Variants in CCDC125 observed in about 807,000 individuals in gnomAD.
CCDC125 encodes the protein coiled-coil domain-containing protein 125.
Under a neutral mutation model 57.4 loss-of-function variants are expected in CCDC125, and 43 were observed. The observed-to-expected ratio is 0.75, with a 90% confidence interval of 0.59 to 0.97. The LOEUF (loss-of-function observed/expected upper bound fraction) is 0.97. Among genes scored for constraint, CCDC125 ranks in the 50% least tolerant of loss-of-function variants. The pLI is 0.00. For missense variants in CCDC125, 563 were observed against 595.7 expected (o/e 0.95, Z 0.57); for synonymous variants, 187 against 195.2 (o/e 0.96, Z 0.35).
intron 1 of CCDC125, among the ~76,000 whole-genome samples, chr5:69,328,842 G>A (rs1761050944): frequency 6.6e-6 from 1 of 150,734 alleles, no homozygotes; most frequent in Non-Finnish European, 1.5e-5. Flanking sequence ...CACCCAGGCT[G>A]GAGTGCAGTG....
chr5:69,274,567 A>G, the CCDC125 span, among the ~76,000 whole-genome samples: 2 of 152,230 alleles, frequency 1.3e-5, no homozygotes, highest in Non-Finnish European at 2.9e-5. Context: ...GAATGCTTGC[A>G]AAGTTTATAT....
At chr5:69,306,750 T>C (rs1757388481) in intron 6 of CCDC125, 67 bp downstream of exon 6, 1 of 1,329,536 alleles carries the variant, frequency 7.5e-7, no homozygotes, top group Non-Finnish European at 9.7e-7. Flanking sequence ...GAAGAAAGCA[T>C]AAATTACTTT....
intron 1 of CCDC125, among the ~76,000 whole-genome samples, chr5:69,326,688 T>G (rs1453891617): frequency 1.3e-5 from 2 of 152,210 alleles, no homozygotes; most frequent in Non-Finnish European, 2.9e-5. Flanking sequence ...CTTCCTGCTA[T>G]TCAGAGTTGA....
rs1391091891 is a variant in CCDC125, at chr5:69,283,935, G to C, written c.1231-901C>G. 2.0e-5 allele frequency among the ~76,000 whole-genome samples: 3 copies of C among 151,764 alleles called. No individual in the cohort carries two copies. In the East Asian group the frequency reaches 5.8e-4, roughly 30 times the overall value. On this transcript the variant is annotated intron_variant, in intron 11 of 11. Transcript: ENST00000396496. Reference sequence around the variant, plus strand: ...CCTCCCATGTAGCTAGGGACTACAGGTGCCAGCCACCACACCTGGCTAATT... The same window carrying C: ...CCTCCCATGTAGCTAGGGACTACAGCTGCCAGCCACCACACCTGGCTAATT...
chr5:69,307,855 G>A (rs1045107052), intron 5 of CCDC125, 96 bp downstream of exon 5: 2 of 892,680 alleles, frequency 2.2e-6, no homozygotes, highest in Non-Finnish European at 3.7e-6. Flanking sequence ...GCAGAAGGTA[G>A]GCACAAGTGA....
intron 11 of CCDC125, among the ~76,000 whole-genome samples, chr5:69,284,130 C>A (rs572249828): frequency 3.7e-4 from 55 of 150,182 alleles, no homozygotes; most frequent in African/African-American, 1.3e-3. Context: ...AAAAAAAAAA[C>A]AGAAGACAGC....
At chr5:69,314,144 T>A (rs1182172334) in intron 2 of CCDC125, 98 bp from the exon 3 acceptor site, 1 of 840,546 alleles carries the variant, frequency 1.2e-6, no homozygotes, top group South Asian at 1.4e-5. Context: ...CAAATACAGG[T>A]ATCCCCTAAA....
intron 3 of CCDC125, among the ~76,000 whole-genome samples, chr5:69,311,947 C>A (rs558577071): frequency 6.6e-6 from 1 of 152,232 alleles, no homozygotes; most frequent in East Asian, 1.9e-4. Context: ...ATTGGCCAGG[C>A]TGGTCTCGAA....
chr5:69,275,554 C>G (rs1013666071), downstream of CCDC125, among the ~76,000 whole-genome samples: 1 of 152,086 alleles, frequency 6.6e-6, no homozygotes, highest in Non-Finnish European at 1.5e-5. Flanking sequence ...CTGAAATGCT[C>G]CAAAATCCAA....
At chr5:69,321,432 G>A (rs187542957) in intron 1 of CCDC125, among the ~76,000 whole-genome samples, 96 of 152,268 alleles carry the variant, frequency 6.3e-4, no homozygotes, top group African/African-American at 1.9e-3. Context: ...CAATTTTGTC[G>A]TTGTGTGAAC....
chr5:69,279,365 A>C (rs534702226), downstream of CCDC125, among the ~76,000 whole-genome samples: 2 of 151,664 alleles, frequency 1.3e-5, no homozygotes, highest in East Asian at 3.9e-4. Flanking sequence ...CCCAGCTAAT[A>C]TTTTGTATTT....
chr5:69,291,141 C>T (rs1754390711), intron 10 of CCDC125, among the ~76,000 whole-genome samples: 1 of 152,136 alleles, frequency 6.6e-6, no homozygotes, highest in Non-Finnish European at 1.5e-5. Context: ...TTGATTCTTT[C>T]TCAACTGATA....
At chr5:69,295,802 A>C (rs532101614) in intron 8 of CCDC125, among the ~76,000 whole-genome samples, 2 of 152,318 alleles carry the variant, frequency 1.3e-5, no homozygotes, top group South Asian at 2.1e-4. Context: ...AAATTCTGTT[A>C]AACTTCCCTA....
At chr5:69,294,985 C>T (rs1380476062) in intron 8 of CCDC125, 85 bp from the exon 9 acceptor site, 8 of 1,069,654 alleles carry the variant, frequency 7.5e-6, no homozygotes, top group Middle Eastern at 2.1e-4. Flanking sequence ...ACACACATAC[C>T]CATGCACACT....
rs142748303 is a variant in CCDC125, at chr5:69,310,680, C to T, written c.453+438G>A. On this transcript the variant is annotated intron_variant, in intron 4 of 11. Coordinates refer to ENST00000396496, the MANE Select transcript of CCDC125 (RefSeq NM_176816.5). ...TAAAAAGGAAGAAAGTACTGATACACGCTACGACATGTATGAACCTCTAAA... is the reference window on the plus strand; with the variant it reads ...TAAAAAGGAAGAAAGTACTGATACATGCTACGACATGTATGAACCTCTAAA... 1.7e-3 allele frequency: 266 copies of T among 155,358 alleles called. 2 individuals carry two copies. Among genetic ancestry groups the T allele is most frequent in the Middle Eastern group, 0.017 (5 of 296 alleles). 9.6% of individuals were successfully genotyped at this position (155,358 alleles called of 1,614,324 possible).
the CCDC125 span, among the ~76,000 whole-genome samples, chr5:69,274,985 A>AC: frequency 1.3e-5 from 2 of 149,428 alleles, no homozygotes; most frequent in Non-Finnish European, 3.0e-5. Flanking sequence ...AAGCATGTGA[A>AC]CCCGGGAGGT....
chr5:69,326,925 G>A (rs976448419), intron 1 of CCDC125, among the ~76,000 whole-genome samples: 4 of 152,156 alleles, frequency 2.6e-5, no homozygotes, highest in African/African-American at 9.6e-5. Context: ...GCATGGTGGT[G>A]CACACCTGTA....
At position 69,282,953 on chromosome 5, in the gene CCDC125, C is replaced by T; in HGVS notation, c.1312G>A (p.Ala438Thr). 2 of 1,613,820 alleles carry T rather than the reference C, an allele frequency of 1.2e-6. No individual in the cohort carries two copies. The highest frequency in any genetic ancestry group is 1.7e-6 in the Non-Finnish European group (2 of 1,179,934). The change falls in exon 12 of 12, where the codon GCT becomes ACT. Residue 438 changes from alanine (A) to threonine (T), a missense_variant. By Grantham distance (58) the Ala-to-Thr change is moderately conservative (BLOSUM62 0). Transcript: ENST00000396496. ...LARALEDKDTASNENKEKNPI... is the reference protein window; with the variant it reads ...LARALEDKDTTSNENKEKNPI... Reference sequence around the variant, plus strand: ...TTTTTTTCTTTATTCTCGTTTGAAGCAGTGTCTTTGTCTTCCAATGCCCGA... The same window carrying T: ...TTTTTTTCTTTATTCTCGTTTGAAGTAGTGTCTTTGTCTTCCAATGCCCGA...
At chr5:69,310,978 T>C (rs1247096694) in intron 4 of CCDC125, 140 bp downstream of exon 4, 2 of 488,960 alleles carry the variant, frequency 4.1e-6, no homozygotes, top group African/African-American at 4.0e-5. Flanking sequence ...ATATATAAAT[T>C]ATAAAGCTCT....
Sources: gnomAD v4.1 joint callset for allele counts (sites outside exome capture counted in the v4.1 genomes callset) on GRCh38, gnomAD v4.1.1 for gene constraint, MANE v1.5 for transcripts, NCBI Gene and HGNC (gene_info 2026-07-23, HGNC 2026-07-21) for gene names.